PDE11A: variants seen among roughly 807,000 people sequenced by gnomAD.
The protein encoded by PDE11A is phosphodiesterase 11A.
Under a neutral mutation model 100.5 loss-of-function variants are expected in PDE11A, and 100 were observed. The ratio of observed to expected loss-of-function variants is 1.00; its 90% confidence interval spans 0.85 to 1.18. The LOEUF (loss-of-function observed/expected upper bound fraction) is 1.18. PDE11A is among the 50% of genes most tolerant of loss of function. The pLI is 0.00. For missense variants in PDE11A, 1,141 were observed against 1,152.6 expected, an observed-to-expected ratio of 0.99 and a Z score of 0.15; for synonymous variants, 381 against 420.8, an observed-to-expected ratio of 0.91 and a Z score of 1.16.
Position 177,946,684 on chromosome 2 carries a change from TG to T in PDE11A, c.1072-41498del, listed in dbSNP as rs2085438427. On this transcript the variant is annotated intron_variant, in intron 2 of 19. Coordinates refer to ENST00000286063, the MANE Select transcript of PDE11A (RefSeq NM_016953.4). ...CCAGCCGCCCCGTCCGGGAGGGAGG[TG>T]GGGGGGGTCAGCCCCCCGCCCGGCC... Among the ~76,000 whole-genome samples the T allele has an allele frequency of 3.2e-3, 19 of 5,856 alleles. 2 individuals are homozygous for T. The highest frequency in any genetic ancestry group is 4.2e-3 in the Admixed American group (2 of 478). 3.8% of individuals were successfully genotyped at this position (5,856 alleles called of 152,430 possible). A position where few individuals can be genotyped will look rare whatever the true frequency, so the allele number is the denominator to read the frequency against.
rs572858702 is a variant in PDE11A, at chr2:177,754,350, CAAAAACA to C, written c.1788+14966_1788+14972del. On this transcript the variant is annotated intron_variant, in intron 10 of 19. Transcript: ENST00000286063. Reference sequence around the variant, plus strand: ...GAAAATACTGCAGACAAAAAAAATGCAAAAACAAAAAACAAAAAACAAAAAAACTCAA... The same window carrying C: ...GAAAATACTGCAGACAAAAAAAATGCAAAAACAAAAAACAAAAAAACTCAA... Among the ~76,000 whole-genome samples, 500 of 152,174 alleles carry C rather than the reference CAAAAACA, an allele frequency of 3.3e-3. 4 individuals carry two copies. The highest frequency in any genetic ancestry group is 5.0e-3 in the Admixed American group (76 of 15,294).
intron 15 of PDE11A, among the ~76,000 whole-genome samples, chr2:177,681,564 G>A (rs2080865148): frequency 6.6e-6 from 1 of 152,190 alleles, no homozygotes; most frequent in South Asian, 2.1e-4. Flanking sequence ...TGAATGACAT[G>A]TGGAAAGCAT....
At chr2:177,703,036 T>C (rs16865676) in intron 13 of PDE11A, among the ~76,000 whole-genome samples, 2,603 of 152,262 alleles carry the variant, frequency 0.017, 67 homozygotes, top group African/African-American at 0.059. Flanking sequence ...TGAAATTCTG[T>C]GATGCTTTAT....
chr2:178,066,295 T>A (rs1375809270), intron 1 of PDE11A, among the ~76,000 whole-genome samples: 1 of 152,152 alleles, frequency 6.6e-6, no homozygotes, highest in Non-Finnish European at 1.5e-5. Flanking sequence ...TCCATATGAC[T>A]CAGATTCAGG....
At chr2:178,013,734 TAAAC>T (rs2086299702) in intron 2 of PDE11A, among the ~76,000 whole-genome samples, 1 of 152,152 alleles carries the variant, frequency 6.6e-6, no homozygotes, top group Admixed American at 6.5e-5. Flanking sequence ...AACTGGTAAA[TAAAC>T]TACTAGTGAA....
chr2:177,675,632 T>A (rs1340507258), intron 16 of PDE11A, 114 bp from the exon 17 acceptor site: 3 of 802,450 alleles, frequency 3.7e-6, no homozygotes, highest in Non-Finnish European at 4.3e-6. Flanking sequence ...CCAGCTCACA[T>A]CTTCCTTTCC....
At chr2:177,717,663 C>A (rs955821817) in intron 12 of PDE11A, among the ~76,000 whole-genome samples, 1 of 151,978 alleles carries the variant, frequency 6.6e-6, no homozygotes, top group Non-Finnish European at 1.5e-5. Flanking sequence ...CCCATGTCAC[C>A]CCCTCCAGCA....
intron 2 of PDE11A, among the ~76,000 whole-genome samples, chr2:178,095,086 C>T (rs1559070008): frequency 6.6e-6 from 1 of 152,126 alleles, no homozygotes; most frequent in Non-Finnish European, 1.5e-5. Flanking sequence ...TTTTACGTTG[C>T]AAAACCAACC....
At chr2:177,741,300 G>A (rs1306720773) in intron 10 of PDE11A, among the ~76,000 whole-genome samples, 2 of 152,082 alleles carry the variant, frequency 1.3e-5, no homozygotes, top group Non-Finnish European at 2.9e-5. Context: ...TGCACCTCTG[G>A]TGTCTTTTCC....
At chr2:178,060,937 CTTTTTTTTTTTTTT>C (rs71010855) in intron 1 of PDE11A, among the ~76,000 whole-genome samples, 1 of 75,678 alleles carries the variant, frequency 1.3e-5, no homozygotes, top group Non-Finnish European at 2.3e-5. Context: ...TGTAAATATT[CTTTTTTTTTTTTTT>C]TTTTTTTTTT....
intron 2 of PDE11A, among the ~76,000 whole-genome samples, chr2:177,980,975 TACAC>T (rs3073403): frequency 0.24 from 31,445 of 129,366 alleles, 5,117 homozygotes; most frequent in East Asian, 0.43. Context: ...GAGAACTAGA[TACAC>T]ACACACACAC....
intron 1 of PDE11A, among the ~76,000 whole-genome samples, chr2:178,041,860 A>G (rs1559051699): frequency 6.6e-6 from 1 of 152,226 alleles, no homozygotes; most frequent in Admixed American, 6.5e-5. Flanking sequence ...TAGATGTTAC[A>G]AACAGCTGAA....
At chr2:177,997,365 G>A in intron 2 of PDE11A, 2 of 844,480 alleles carry the variant, frequency 2.4e-6, no homozygotes, top group Non-Finnish European at 4.2e-6. Flanking sequence ...GAAGATTTCT[G>A]GGGTGGTGAA....
At chr2:177,726,319 T>C (rs1378802791) in intron 12 of PDE11A, among the ~76,000 whole-genome samples, 1 of 152,134 alleles carries the variant, frequency 6.6e-6, no homozygotes, top group Non-Finnish European at 1.5e-5. Context: ...ACATTTCAGC[T>C]CATGTCAATT....
chr2:177,958,562 A>G (rs191896488), intron 2 of PDE11A, among the ~76,000 whole-genome samples: 1 of 152,346 alleles, frequency 6.6e-6, no homozygotes, highest in Admixed American at 6.5e-5. Flanking sequence ...TCTTGCATAC[A>G]CTGGGATTAA....
In PDE11A at chr2:177,648,847, G is replaced by A. The variant is rs182696593; in HGVS notation, c.2646+15019C>T. Among the ~76,000 whole-genome samples the A allele has an allele frequency of 2.7e-3, 406 of 151,988 alleles. 2 individuals are homozygous for A. Among genetic ancestry groups the A allele is most frequent in the Non-Finnish European group, 4.2e-3 (283 of 67,900 alleles). ...ACTAGGTAAGATAAATAACAAACTT[G>A]GAAACATATTTGTCACCTTTGCAAA... is the stretch of plus-strand genomic sequence containing the variant. On this transcript the variant is annotated intron_variant, in intron 19 of 19. Coordinates refer to ENST00000286063, the MANE Select transcript of PDE11A (RefSeq NM_016953.4).
At chr2:177,712,741 C>A (rs1433272739) in intron 12 of PDE11A, among the ~76,000 whole-genome samples, 1 of 152,120 alleles carries the variant, frequency 6.6e-6, no homozygotes, top group Non-Finnish European at 1.5e-5. Flanking sequence ...CAGGTCTATG[C>A]ATTTTCTTGA....
Position 178,072,690 on chromosome 2 carries a change from C to T in PDE11A, c.-253G>A. On this transcript the variant is annotated 5_prime_UTR_variant, in exon 1 of 20. Transcript: ENST00000286063. ...CAGGTGCCCAGCACTGAGCTGCCGC[C>T]GCTGCCCCGGCTCCTGTTCCGGAAA... 1.4e-6 allele frequency: 2 copies of T among 1,407,610 alleles called. No individual in the cohort carries two copies. Among genetic ancestry groups the T allele is most frequent in the Non-Finnish European group, 1.8e-6 (2 of 1,082,514 alleles). 87.2% of individuals were successfully genotyped at this position (1,407,610 alleles called of 1,614,324 possible).
intron 2 of PDE11A, among the ~76,000 whole-genome samples, chr2:177,919,826 T>C (rs1455579600): frequency 6.6e-6 from 1 of 152,086 alleles, no homozygotes; most frequent in Non-Finnish European, 1.5e-5. Context: ...GTGAAAAATG[T>C]TTAACAATAG....
Sources: allele counts gnomAD v4.1 joint callset (sites outside exome capture counted in the v4.1 genomes callset), GRCh38; gene constraint gnomAD v4.1.1; transcripts MANE v1.5; gene names NCBI Gene and HGNC (gene_info 2026-07-23, HGNC 2026-07-21).